SMAP2: variants seen among roughly 807,000 people sequenced by gnomAD.
SMAP2 encodes the protein small ArfGAP2, also known as stromal membrane-associated protein 2.
In SMAP2, 25 loss-of-function variants were observed where a neutral mutation model predicts 56.4. The observed-to-expected ratio is 0.44, with a 90% confidence interval of 0.32 to 0.62. SMAP2 has a LOEUF of 0.62. SMAP2 is among the 20% of genes least tolerant of loss of function. SMAP2 has a pLI of 0.04. For synonymous variants in SMAP2, 157 were observed against 181.7 expected, an observed-to-expected ratio of 0.86 and a Z score of 1.09; for missense variants, 388 against 545.6, an observed-to-expected ratio of 0.71 and a Z score of 2.88.
At chr1:40,358,072 C>T (rs978106424) in intron 1 of SMAP2, among the ~76,000 whole-genome samples, 2 of 151,678 alleles carry the variant, frequency 1.3e-5, no homozygotes, top group African/African-American at 2.4e-5. Flanking sequence ...ACATGGAATA[C>T]GTTTCCATTT....
At chr1:40,396,964 G>C (rs1283446864) in intron 1 of SMAP2, 6 of 443,848 alleles carry the variant, frequency 1.4e-5, no homozygotes, top group Non-Finnish European at 1.8e-5. Context: ...TTTTGGGTCA[G>C]AGTTAATGAC....
At chr1:40,348,023 G>T (rs1644396246) in intron 1 of SMAP2, among the ~76,000 whole-genome samples, 1 of 152,064 alleles carries the variant, frequency 6.6e-6, no homozygotes, top group African/African-American at 2.4e-5. Context: ...CTAGCTGGGT[G>T]CAGTGGCTCA....
At chr1:40,345,551 T>A (rs954836820) in intron 1 of SMAP2, among the ~76,000 whole-genome samples, 37 of 152,034 alleles carry the variant, frequency 2.4e-4, no homozygotes, top group African/African-American at 8.2e-4. Context: ...GGTTTTGAAC[T>A]CCTGGGCTCA....
At chr1:40,397,274 A>G (rs367975273) in intron 1 of SMAP2, among the ~76,000 whole-genome samples, 1 of 152,174 alleles carries the variant, frequency 6.6e-6, no homozygotes, top group African/African-American at 2.4e-5. Flanking sequence ...TGTTCACCCA[A>G]TTCACCACAT....
chr1:40,384,666 T>C (rs925164643), intron 1 of SMAP2, among the ~76,000 whole-genome samples: 2 of 152,226 alleles, frequency 1.3e-5, no homozygotes, highest in African/African-American at 4.8e-5. Context: ...GATAAAGGAC[T>C]CTCGTTGTTT....
chr1:40,346,833 A>C (rs1347547239), intron 1 of SMAP2, among the ~76,000 whole-genome samples: 1 of 151,912 alleles, frequency 6.6e-6, no homozygotes, highest in Non-Finnish European at 1.5e-5. Context: ...TGGTTTGATA[A>C]GTTTTTTAAA....
At chr1:40,371,764 C>T (rs1451868884), upstream of SMAP2, among the ~76,000 whole-genome samples, 1 of 152,158 alleles carries the variant, frequency 6.6e-6, no homozygotes, top group Non-Finnish European at 1.5e-5. Flanking sequence ...GTGAAGAGCG[C>T]TAATTGTCTA....
At chr1:40,396,910 T>C (rs1159449105) in intron 1 of SMAP2, 2 of 943,030 alleles carry the variant, frequency 2.1e-6, no homozygotes, top group East Asian at 2.3e-4. Flanking sequence ...ACTAGATTTG[T>C]TCTTAAAACA....
chr1:40,371,815 GGCATTATCTCAGCTAAGCCTC>G (rs1644497628), upstream of SMAP2, among the ~76,000 whole-genome samples: 2 of 152,134 alleles, frequency 1.3e-5, no homozygotes, highest in Non-Finnish European at 2.9e-5. Flanking sequence ...TTATATTACA[GGCATTATCTCAGCTAAGCCTC>G]ATAATAATCT....
At chr1:40,376,229 G>A (rs1488335288) in intron 1 of SMAP2, among the ~76,000 whole-genome samples, 1 of 152,166 alleles carries the variant, frequency 6.6e-6, no homozygotes, top group Non-Finnish European at 1.5e-5. Context: ...GGGATTACAG[G>A]TGTGAGCCAC....
At chr1:40,362,217 G>A (rs1363150511) in intron 1 of SMAP2, 1 of 152,208 alleles carries the variant, frequency 6.6e-6, no homozygotes, top group Non-Finnish European at 1.5e-5. Context: ...GGAGAAAGCA[G>A]AGAAAATAAA....
upstream of SMAP2, among the ~76,000 whole-genome samples, chr1:40,372,087 A>AT (rs1225905002): frequency 6.6e-6 from 1 of 152,178 alleles, no homozygotes; most frequent in Non-Finnish European, 1.5e-5. Context: ...CCACTAAAGG[A>AT]TTTTTTAAGC....
Position 40,360,075 on chromosome 1 carries a change from C to T in SMAP2, c.-82-2225C>T, listed in dbSNP as rs1207911715. On this transcript the variant is annotated intron_variant, in intron 1 of 6. Coordinates refer to the SMAP2 transcript ENST00000435168. Reference sequence around the variant, plus strand: ...AGGCTGGAGTGCAGTGGTGCGATCTCGGCTCACTGCAAGCTCCGCCTCCCA... The same window carrying T: ...AGGCTGGAGTGCAGTGGTGCGATCTTGGCTCACTGCAAGCTCCGCCTCCCA... Among the ~76,000 whole-genome samples, 5 of 128,406 alleles carry T rather than the reference C, an allele frequency of 3.9e-5. No homozygotes were observed. The Admixed American group carries it at 4.9e-4, about 13-fold the overall frequency. The allele number at this position is 128,406 out of a possible 152,430, so 84.2% of individuals were successfully genotyped here.
chr1:40,414,099 G>A, intron 5 of SMAP2, 60 bp from the exon 6 acceptor site: 1 of 1,487,922 alleles, frequency 6.7e-7, no homozygotes, highest in Non-Finnish European at 9.4e-7. Context: ...TTACAGTGGA[G>A]ATGGGAAAAG....
chr1:40,402,324 C>G (rs1644842833), intron 1 of SMAP2, among the ~76,000 whole-genome samples: 1 of 152,108 alleles, frequency 6.6e-6, no homozygotes, highest in African/African-American at 2.4e-5. Context: ...TTTATCTTTT[C>G]TTTATGCTGG....
At position 40,385,605 on chromosome 1, in the gene SMAP2, G is replaced by A. The variant is rs148484817; in HGVS notation, c.103+11382G>A. Among the ~76,000 whole-genome samples, 118 of 152,348 alleles carry A rather than the reference G, an allele frequency of 7.7e-4. No homozygotes were observed. Among genetic ancestry groups the A allele is most frequent in the African/African-American group, 2.8e-3 (117 of 41,578 alleles). ...GAGGGAGAGAGACCTACTCTCAGCT[G>A]TAGCTGATAAGTGTGTCCTAGCATG... On this transcript the variant is annotated intron_variant, in intron 1 of 9. Transcript: ENST00000372718. This position sits in a 1 kb window ranked among gnomAD's most constrained non-coding sequence, Gnocchi z 4.5.
chr1:40,410,441 A>G (rs2935888), intron 4 of SMAP2, among the ~76,000 whole-genome samples: 31,546 of 151,384 alleles, frequency 0.21, 4,390 homozygotes, highest in African/African-American at 0.4. Context: ...GTATATGTGT[A>G]TATGTACTAC....
chr1:40,370,980 C>A (rs930743110), upstream of SMAP2, among the ~76,000 whole-genome samples: 1 of 152,104 alleles, frequency 6.6e-6, no homozygotes, highest in Non-Finnish European at 1.5e-5. Context: ...TGAGACCATC[C>A]TGGCTAACAG....
At position 40,374,332 on chromosome 1, in the gene SMAP2, AGTGGTAACGC is replaced by A; in HGVS notation, c.103+113_103+122del. On this transcript the variant is annotated intron_variant, in intron 1 of 9. Coordinates refer to ENST00000372718, the MANE Select transcript of SMAP2 (RefSeq NM_022733.3). The surrounding 1 kb of genome is among the most constrained non-coding windows in gnomAD (Gnocchi z 5.9). ...CTTAGGCCGCCCAACTCGGCTTATA[AGTGGTAACGC>A]GTGCTGCGCTTGCAGTGAGCCTACT... 1.1e-6 allele frequency: 1 copy of A among 904,246 alleles called. No individual in the cohort carries two copies. The highest frequency in any genetic ancestry group is 1.8e-6 in the Non-Finnish European group (1 of 562,014). The allele number at this position is 904,246 out of a possible 1,614,324, so 56.0% of individuals were successfully genotyped here. A position where few individuals can be genotyped will look rare whatever the true frequency, so the allele number is the denominator to read the frequency against.
Sources: allele counts gnomAD v4.1 joint callset (sites outside exome capture counted in the v4.1 genomes callset), GRCh38; gene constraint gnomAD v4.1.1; non-coding constraint Gnocchi (gnomAD v3.1); transcripts MANE v1.5; gene names NCBI Gene and HGNC (gene_info 2026-07-23, HGNC 2026-07-21).